The following RC3H1 variants were observed in gnomAD, a reference collection of about 807,000 sequenced individuals.
RC3H1 encodes the protein ring finger and CCCH-type domains 1.
RC3H1 carries 50 observed loss-of-function variants against 138.2 expected under a neutral mutation model. The observed-to-expected ratio is 0.36, with a 90% CI of 0.29 to 0.46. The LOEUF is 0.46. Among genes scored for constraint, RC3H1 ranks in the 20% least tolerant of loss-of-function variants. RC3H1 has a pLI of 1.00. For synonymous variants in RC3H1, 462 were observed against 489.1 expected (o/e 0.94, Z 0.73); for missense variants, 1,031 against 1,388.1 (o/e 0.74, Z 4.09).
chr1:173,978,721 T>G, intron 6 of RC3H1, 101 bp from the exon 7 acceptor site: 1 of 1,256,074 alleles, frequency 8.0e-7, no homozygotes, highest in Non-Finnish European at 1.1e-6. Context: ...TAAATTTAAT[T>G]TTTATCTTCC....
chr1:173,994,898 G>A (rs935743553), intron 1 of RC3H1, among the ~76,000 whole-genome samples: 1 of 151,448 alleles, frequency 6.6e-6, no homozygotes, highest in Non-Finnish European at 1.5e-5. Flanking sequence ...TTTACTATGT[G>A]TTCAGTACTA....
chr1:174,000,579 AC>A (rs1661545223), intron 1 of RC3H1, among the ~76,000 whole-genome samples: 2 of 152,226 alleles, frequency 1.3e-5, no homozygotes, highest in African/African-American at 4.8e-5. Context: ...AAACAAAACC[AC>A]ACTGTCTGTA....
In RC3H1 at chr1:173,993,064, G is replaced by T; in HGVS notation, c.-79C>A. Reference sequence around the variant, plus strand: ...AGATTCCACTGGAATCAAAATCTTTGAAAAAAAGTTTATCTTTTTTTTTTT... The same window carrying T: ...AGATTCCACTGGAATCAAAATCTTTTAAAAAAAGTTTATCTTTTTTTTTTT... On this transcript the variant is annotated 5_prime_UTR_variant, in exon 2 of 20. Transcript: ENST00000367696. 9.5e-7 allele frequency: 1 copy of T among 1,051,788 alleles called. No homozygotes were observed. Among genetic ancestry groups the T allele is most frequent in the Non-Finnish European group, 1.4e-6 (1 of 707,818 alleles). 65.2% of individuals were successfully genotyped at this position (1,051,788 alleles called of 1,614,324 possible).
chr1:173,966,721 CAAA>C (rs1214950103), intron 9 of RC3H1, among the ~76,000 whole-genome samples: 5 of 136,858 alleles, frequency 3.7e-5, no homozygotes, highest in Non-Finnish European at 8.0e-5. Context: ...TCTCAAAAAA[CAAA>C]AAAAAAAAGT....
At chr1:173,943,743 A>C in intron 17 of RC3H1, 128 bp from the exon 18 acceptor site, 2 of 817,778 alleles carry the variant, frequency 2.4e-6, no homozygotes, top group African/African-American at 1.7e-5. Context: ...AAATAATGCA[A>C]CTGTAAGGTG....
intron 6 of RC3H1, among the ~76,000 whole-genome samples, chr1:173,979,418 T>G (rs1660713153): frequency 6.6e-6 from 1 of 152,108 alleles, no homozygotes. Flanking sequence ...GAGGCTGTGG[T>G]GGGCAGATGA....
intron 9 of RC3H1, chr1:173,969,532 T>A (rs1390687513): frequency 2.6e-5 from 4 of 151,750 alleles, no homozygotes; most frequent in Non-Finnish European, 5.9e-5. Flanking sequence ...AATTGTGTTA[T>A]CTTTGTCAAA....
chr1:173,981,107 G>A, intron 5 of RC3H1, 98 bp from the exon 6 acceptor site: 1 of 1,008,304 alleles, frequency 9.9e-7, no homozygotes, highest in South Asian at 1.6e-5. Context: ...AGCATCAACA[G>A]CAAGATTAAA....
At chr1:173,996,264 A>G (rs1183569760) in intron 1 of RC3H1, among the ~76,000 whole-genome samples, 1 of 152,146 alleles carries the variant, frequency 6.6e-6, no homozygotes, top group Non-Finnish European at 1.5e-5. Context: ...AATGTATGGA[A>G]AGAGACTCAA....
chr1:173,996,268 G>A (rs1018400893), intron 1 of RC3H1, among the ~76,000 whole-genome samples: 2 of 151,554 alleles, frequency 1.3e-5, no homozygotes, highest in Non-Finnish European at 2.9e-5. Context: ...TATGGAAAGA[G>A]ACTCAAAATA....
At chr1:173,950,185 C>T (rs1472548686) in intron 14 of RC3H1, among the ~76,000 whole-genome samples, 2 of 151,754 alleles carry the variant, frequency 1.3e-5, no homozygotes, top group Non-Finnish European at 2.9e-5. Flanking sequence ...AAGTACACAT[C>T]TTAAAAGCAA....
chr1:173,977,560 A>G (rs1210699816), intron 7 of RC3H1, among the ~76,000 whole-genome samples: 1 of 152,210 alleles, frequency 6.6e-6, no homozygotes, highest in Non-Finnish European at 1.5e-5. Flanking sequence ...AGAGGACACG[A>G]TGGGGAATCT....
chr1:173,971,755 T>A (rs1409167136), intron 8 of RC3H1, among the ~76,000 whole-genome samples: 1 of 152,184 alleles, frequency 6.6e-6, no homozygotes, highest in Non-Finnish European at 1.5e-5. Flanking sequence ...GTTAGGAAAA[T>A]CATATCCAGA....
chr1:173,982,693 T>G (rs769683617), intron 5 of RC3H1, 34 bp downstream of exon 5: 1 of 1,515,554 alleles, frequency 6.6e-7, no homozygotes, highest in African/African-American at 1.4e-5. Context: ...GAACAATATT[T>G]CCTTTCAAGC....
intron 9 of RC3H1, chr1:173,969,429 C>T (rs966323121): frequency 6.6e-6 from 1 of 151,098 alleles, no homozygotes; most frequent in African/African-American, 2.4e-5. Context: ...GGTGTTATGC[C>T]CTTAGACATG....
In RC3H1 at chr1:173,993,162, T is replaced by C. The variant is rs1264926593; in HGVS notation, c.-150-27A>G. ...TGAAAATAAAGAAAAAGGAAAAAAA[T>C]TGAGTGTCTTTCTTTTCAATTAAAC... On this transcript the variant is annotated intron_variant, in intron 1 of 19. Coordinates refer to ENST00000367696, the MANE Select transcript of RC3H1 (RefSeq NM_172071.4). 8 of 581,142 alleles carry C rather than the reference T, an allele frequency of 1.4e-5. No individual in the cohort carries two copies. In the East Asian group the frequency reaches 2.3e-4, roughly 16 times the overall value. The allele number at this position is 581,142 out of a possible 1,614,324, so 36.0% of individuals were successfully genotyped here.
intron 13 of RC3H1, 164 bp downstream of exon 13, chr1:173,960,913 A>G (rs1474103001): frequency 4.6e-6 from 3 of 648,536 alleles, no homozygotes; most frequent in Non-Finnish European, 7.8e-6. Flanking sequence ...CATTACATAC[A>G]TACAAAAATC....
At chr1:173,997,201 G>A (rs1557950457) in intron 1 of RC3H1, among the ~76,000 whole-genome samples, 1 of 152,026 alleles carries the variant, frequency 6.6e-6, no homozygotes, top group Admixed American at 6.6e-5. Flanking sequence ...CTCCAGCCTG[G>A]GCAACGGAGC....
chr1:173,989,111 C>T (rs1466933068), intron 2 of RC3H1, among the ~76,000 whole-genome samples: 1 of 152,232 alleles, frequency 6.6e-6, no homozygotes, highest in African/African-American at 2.4e-5. Flanking sequence ...TCACTGCAGC[C>T]TCCATCAGGT....
Sources: gnomAD v4.1 joint callset for allele counts (sites outside exome capture counted in the v4.1 genomes callset) on GRCh38, gnomAD v4.1.1 for gene constraint, MANE v1.5 for transcripts, NCBI Gene and HGNC (gene_info 2026-07-23, HGNC 2026-07-21) for gene names.